ESCO2: variants seen among roughly 807,000 people sequenced by gnomAD.
The protein encoded by ESCO2 is N-acetyltransferase ESCO2.
In ESCO2, 51 loss-of-function variants were observed where a neutral mutation model predicts 61.7. The ratio of observed to expected loss-of-function variants is 0.83; its 90% confidence interval spans 0.66 to 1.04. ESCO2 has a LOEUF of 1.04. Ranked by LOEUF, ESCO2 falls within the 50% of genes least tolerant of loss-of-function variation. The probability of loss-of-function intolerance (pLI) is 0.00; values close to 1 mark genes in which losing one functional copy is unlikely to be tolerated. For missense variants in ESCO2, 692 were observed against 686.2 expected (o/e 1.01, Z -0.09); for synonymous variants, 230 against 238.2 (o/e 0.97, Z 0.32).
rs531119453 is a variant in ESCO2, at chr8:27,776,928, G to A, written c.620G>A (p.Gly207Asp). 30 of 1,613,824 alleles carry A rather than the reference G, an allele frequency of 1.9e-5. No homozygotes were observed. Among genetic ancestry groups the A allele is most frequent in the South Asian group, 5.5e-5 (5 of 90,966 alleles). The part of the protein sequence containing the change: ...QKIKPQVTLQ[G>D]GAAFFVRKKS... ...ATAAAACCACAAGTTACACTCCAGG[G>A]TGGAGCAGCATTTTTTGTTAGAAAA... is the stretch of plus-strand genomic sequence containing the variant. Residue 207 changes from glycine to aspartate, a missense_variant, in exon 3 of 11, where the codon GGT (glycine) becomes GAT (aspartate). Coordinates refer to ENST00000305188, the MANE Select transcript of ESCO2 (RefSeq NM_001017420.3).
chr8:27,803,080 A>AGTT (rs1426220215), intron 10 of ESCO2, among the ~76,000 whole-genome samples: 1 of 152,058 alleles, frequency 6.6e-6, no homozygotes, highest in African/African-American at 2.4e-5. Flanking sequence ...GATATCCTAG[A>AGTT]GTTAGGTGGA....
At chr8:27,791,205 T>C (rs1461874991) in intron 7 of ESCO2, among the ~76,000 whole-genome samples, 3 of 152,230 alleles carry the variant, frequency 2.0e-5, no homozygotes, top group African/African-American at 7.2e-5. Flanking sequence ...ATACCTCTGA[T>C]TGATTCATAT....
intron 7 of ESCO2, among the ~76,000 whole-genome samples, chr8:27,791,515 G>A (rs945050602): frequency 6.6e-6 from 1 of 152,198 alleles, no homozygotes; most frequent in Non-Finnish European, 1.5e-5. Flanking sequence ...GATTAAAATA[G>A]TTGTAAGACT....
upstream of ESCO2, among the ~76,000 whole-genome samples, chr8:27,774,217 G>T (rs1165088652): frequency 6.6e-6 from 1 of 151,890 alleles, no homozygotes; most frequent in Non-Finnish European, 1.5e-5. Context: ...TTGCTCTGTC[G>T]CCAGGCTGGA....
chr8:27,777,955 A>G (rs1804836494), intron 3 of ESCO2: 2 of 152,050 alleles, frequency 1.3e-5, no homozygotes, highest in African/African-American at 2.4e-5. Context: ...CCCAGTCCAT[A>G]TCTCTCGTAA....
Position 27,776,798 on chromosome 8 carries a change from A to C in ESCO2, c.490A>C (p.Asn164His). 1 of 1,614,136 alleles carries C rather than the reference A, an allele frequency of 6.2e-7. No individual in the cohort carries two copies. The highest frequency in any genetic ancestry group is 8.5e-7 in the Non-Finnish European group (1 of 1,180,030). Reference sequence around the variant, plus strand: ...CAAGCCTGTATCAAGGAATTCTAGAAATTCCAAGCAAAATCGAGTGATCTA... The same window carrying C: ...CAAGCCTGTATCAAGGAATTCTAGACATTCCAAGCAAAATCGAGTGATCTA... ...HIKPVSRNSR[N>H]SKQNRVIYKP... The change falls in exon 3 of 11, where the codon AAT becomes CAT. Residue 164 changes from asparagine (N) to histidine (H), a missense_variant. Transcript: ENST00000305188.
At chr8:27,784,446 A>G (rs1159047534) in intron 5 of ESCO2, among the ~76,000 whole-genome samples, 2 of 152,232 alleles carry the variant, frequency 1.3e-5, no homozygotes, top group African/African-American at 4.8e-5. Flanking sequence ...ATTAGGTGCT[A>G]GGACCAGGAC....
At chr8:27,808,684 CAAAAAAAA>C (rs34162059), downstream of ESCO2, among the ~76,000 whole-genome samples, 2 of 106,590 alleles carry the variant, frequency 1.9e-5, 1 homozygote, top group South Asian at 6.7e-4. Flanking sequence ...GACCCTGTCT[CAAAAAAAA>C]AAAAAAAAAA....
intron 8 of ESCO2, among the ~76,000 whole-genome samples, chr8:27,792,336 G>T (rs1006748243): frequency 1.3e-5 from 2 of 152,100 alleles, no homozygotes; most frequent in African/African-American, 2.4e-5. Flanking sequence ...TCTTATATTG[G>T]TGTTGCTTGT....
At chr8:27,799,758 T>G (rs759034977) in intron 10 of ESCO2, 42 bp downstream of exon 10, 21 of 1,609,936 alleles carry the variant, frequency 1.3e-5, no homozygotes, top group Non-Finnish European at 1.7e-5. Context: ...CTTAGATTCA[T>G]AGCTTTCCCA....
At chr8:27,817,901 T>C in the ESCO2 span, among the ~76,000 whole-genome samples, 2 of 152,214 alleles carry the variant, frequency 1.3e-5, no homozygotes, top group Admixed American at 6.5e-5. Context: ...TAAATCTGCA[T>C]TGTCCAATGT....
chr8:27,799,406 A>C (rs1805373906), intron 9 of ESCO2, 135 bp from the exon 10 acceptor site: 2 of 955,388 alleles, frequency 2.1e-6, no homozygotes, highest in African/African-American at 1.6e-5. Context: ...ATAAGAATTT[A>C]AGAAATAGAA....
intron 9 of ESCO2, among the ~76,000 whole-genome samples, chr8:27,795,856 A>T (rs907621542): frequency 6.6e-6 from 1 of 152,186 alleles, no homozygotes; most frequent in African/African-American, 2.4e-5. Flanking sequence ...ATCATGGTGT[A>T]CTATGCTTTT....
downstream of ESCO2, chr8:27,810,519 T>C (rs749910672): frequency 3.4e-6 from 5 of 1,490,298 alleles, no homozygotes; most frequent in East Asian, 2.3e-5. Flanking sequence ...GAGTTAGAGA[T>C]TGAAACAATA....
At chr8:27,793,400 A>G (rs1172406047) in intron 9 of ESCO2, among the ~76,000 whole-genome samples, 1 of 152,024 alleles carries the variant, frequency 6.6e-6, no homozygotes, top group African/African-American at 2.4e-5. Flanking sequence ...TCAAGCTAAT[A>G]TAGCTATACC....
chr8:27,814,053 A>G (rs1040582583), downstream of ESCO2, among the ~76,000 whole-genome samples: 1 of 152,180 alleles, frequency 6.6e-6, no homozygotes, highest in East Asian at 1.9e-4. Context: ...TTTTCATATT[A>G]GAGTTATGCT....
intron 2 of ESCO2, 84 bp downstream of exon 2, chr8:27,775,651 G>A (rs995137387): frequency 5.2e-6 from 7 of 1,348,444 alleles, no homozygotes; most frequent in Non-Finnish European, 7.5e-6. Flanking sequence ...TAAAATTTTC[G>A]TTCTTCCACT....
chr8:27,815,512 T>C (rs1805793246), downstream of ESCO2, among the ~76,000 whole-genome samples: 1 of 152,192 alleles, frequency 6.6e-6, no homozygotes, highest in African/African-American at 2.4e-5. Context: ...AGGTACTTCA[T>C]GGAATTCATG....
Position 27,799,428 on chromosome 8 carries a change from A to G in ESCO2, c.1498-113A>G, listed in dbSNP as rs568442482. On this transcript the variant is annotated intron_variant, in intron 9 of 10. Coordinates refer to ENST00000305188, the MANE Select transcript of ESCO2 (RefSeq NM_001017420.3). ...TTTAAGAAATAGAAAATATTTTTTA[A>G]CATACTTGGAGATATAAGTTAAATT... 23 of 1,068,796 alleles carry G rather than the reference A, an allele frequency of 2.2e-5. No individual in the cohort carries two copies. In the African/African-American group the frequency reaches 3.5e-4, roughly 16 times the overall value. 66.2% of individuals were successfully genotyped at this position (1,068,796 alleles called of 1,614,324 possible).
Sources: allele counts gnomAD v4.1 joint callset (sites outside exome capture counted in the v4.1 genomes callset), GRCh38; gene constraint gnomAD v4.1.1; transcripts MANE v1.5; gene names NCBI Gene and HGNC (gene_info 2026-07-23, HGNC 2026-07-21).